Variants in ZFPM2 observed in about 807,000 individuals in gnomAD.
ZFPM2 encodes the protein zinc finger protein ZFPM2.
ZFPM2 carries 20 observed loss-of-function variants against 98.6 expected under a neutral mutation model. The observed-to-expected ratio is 0.20, with a 90% CI of 0.14 to 0.29. ZFPM2 has a LOEUF of 0.29. ZFPM2 is among the 10% of genes least tolerant of loss of function. The pLI is 1.00. For synonymous variants in ZFPM2, 518 were observed against 502.7 expected (o/e 1.03, Z -0.41); for missense variants, 1,310 against 1,388.6 (o/e 0.94, Z 0.90).
intron 5 of ZFPM2, among the ~76,000 whole-genome samples, chr8:105,742,533 T>G (rs1812243650): frequency 6.8e-6 from 1 of 147,716 alleles, no homozygotes; most frequent in Non-Finnish European, 1.5e-5. Context: ...AGAGAGTGAG[T>G]GGTTGTAGAT....
chr8:105,463,082 G>A (rs1410384654), intron 3 of ZFPM2, among the ~76,000 whole-genome samples: 1 of 151,966 alleles, frequency 6.6e-6, no homozygotes, highest in Non-Finnish European at 1.5e-5. Context: ...TAGGAAAATG[G>A]CAGAGACAAG....
At chr8:105,393,321 C>CCTCT (rs1491087623) in intron 1 of ZFPM2, among the ~76,000 whole-genome samples, 7 of 121,052 alleles carry the variant, frequency 5.8e-5, no homozygotes, top group African/African-American at 1.4e-4. Flanking sequence ...TTCTTCCTTC[C>CCTCT]CTCTCTCTCT....
At chr8:105,370,984 G>A (rs549732261) in intron 1 of ZFPM2, among the ~76,000 whole-genome samples, 54 of 152,198 alleles carry the variant, frequency 3.5e-4, no homozygotes, top group African/African-American at 1.1e-3. Flanking sequence ...GTTGCTAGAC[G>A]CATCTTTAAA....
At chr8:105,522,815 A>C (rs1227592591) in intron 3 of ZFPM2, among the ~76,000 whole-genome samples, 2 of 152,132 alleles carry the variant, frequency 1.3e-5, no homozygotes, top group Non-Finnish European at 2.9e-5. Context: ...TTGAAATTAT[A>C]ACTTTCTTAG....
intron 3 of ZFPM2, among the ~76,000 whole-genome samples, chr8:105,498,690 G>A (rs938259380): frequency 1.3e-5 from 2 of 152,170 alleles, no homozygotes; most frequent in Non-Finnish European, 2.9e-5. Context: ...CATATGCAAA[G>A]ATTCGATGCT....
chr8:105,515,336 T>A lies in ZFPM2; in HGVS notation c.302-46027T>A, dbSNP rs149643609. On this transcript the variant is annotated intron_variant, in intron 3 of 7. Coordinates refer to ENST00000407775, the MANE Select transcript of ZFPM2 (RefSeq NM_012082.4). ...CTTCAAGAGGACAAGAAGATAGGTA[T>A]AAATAGGAGGATTGAGTGTTTATTG... Among the ~76,000 whole-genome samples, 641 of 152,308 alleles carry A rather than the reference T, an allele frequency of 4.2e-3. 6 individuals carry two copies. Among genetic ancestry groups the A allele is most frequent in the African/African-American group, 0.015 (608 of 41,568 alleles).
chr8:105,454,138 C>CT (rs1563666708), intron 3 of ZFPM2, among the ~76,000 whole-genome samples: 1 of 152,004 alleles, frequency 6.6e-6, no homozygotes, highest in Non-Finnish European at 1.5e-5. Flanking sequence ...TATGAAAAGT[C>CT]TTTTCGAATG....
intron 3 of ZFPM2, among the ~76,000 whole-genome samples, chr8:105,519,729 G>C (rs562630206): frequency 6.6e-6 from 1 of 151,740 alleles, no homozygotes; most frequent in South Asian, 2.1e-4. Context: ...TGCAATATAG[G>C]AACACTTGAC....
rs1385564054 is a variant in ZFPM2 at position 105,318,918 on chromosome 8, C to T, written c.-24C>T. ...CGCGACCGCGGGCACCGCGGGAGCC[C>T]CAGCGGCAGCAGCCGCCGCCGAGAT... On this transcript the variant is annotated 5_prime_UTR_variant, in exon 1 of 8. Coordinates refer to ENST00000407775, the MANE Select transcript of ZFPM2 (RefSeq NM_012082.4). The T allele has an allele frequency of 2.3e-5, 32 of 1,396,000 alleles. No homozygotes were observed. Among genetic ancestry groups the T allele is most frequent in the Non-Finnish European group, 3.0e-5 (32 of 1,058,146 alleles). 86.5% of individuals were successfully genotyped at this position (1,396,000 alleles called of 1,614,324 possible).
chr8:105,456,762 T>C (rs1812601061), intron 3 of ZFPM2, among the ~76,000 whole-genome samples: 1 of 152,118 alleles, frequency 6.6e-6, no homozygotes, highest in Admixed American at 6.6e-5. Flanking sequence ...AACCTCTGCC[T>C]CCTGGGTTCA....
At chr8:105,475,492 G>A (rs1219011091) in intron 3 of ZFPM2, among the ~76,000 whole-genome samples, 1 of 152,192 alleles carries the variant, frequency 6.6e-6, no homozygotes, top group Non-Finnish European at 1.5e-5. Flanking sequence ...GAACTGTGTA[G>A]TGCTTGTGAT....
chr8:105,465,244 TTTGTAATGCCTCTAAGACATTA>T (rs1466170894), intron 3 of ZFPM2, among the ~76,000 whole-genome samples: 1 of 152,140 alleles, frequency 6.6e-6, no homozygotes, highest in East Asian at 1.9e-4. Context: ...CTTGTTTGAT[TTTGTAATGCCTCTAAGACATTA>T]AAAAATACAG....
Position 105,395,591 on chromosome 8 carries a change from C to A in ZFPM2, c.41-23553C>A, listed in dbSNP as rs1811203104. ...ATTTCAAGGGATCAAAATGAGCACA[C>A]TTCTCCCATGTTGATCTGTCCCCTA... On this transcript the variant is annotated intron_variant, in intron 1 of 7. Transcript: ENST00000407775. Among the ~76,000 whole-genome samples, 4 of 152,250 alleles carry A rather than the reference C, an allele frequency of 2.6e-5. No individual in the cohort carries two copies. The South Asian group carries it at 8.3e-4, about 32-fold the overall frequency.
chr8:105,782,564 C>G (rs1479493057), intron 5 of ZFPM2: 2 of 152,122 alleles, frequency 1.3e-5, no homozygotes, highest in Non-Finnish European at 2.9e-5. Flanking sequence ...ATAGTTGTCC[C>G]TCAGTATCCA....
chr8:105,738,005 T>C (rs1812119952), intron 5 of ZFPM2, among the ~76,000 whole-genome samples: 1 of 151,980 alleles, frequency 6.6e-6, no homozygotes, highest in Admixed American at 6.6e-5. Flanking sequence ...CAGCTAAGTT[T>C]TTTTGATAGT....
At chr8:105,354,276 A>T (rs1021577959) in intron 1 of ZFPM2, among the ~76,000 whole-genome samples, 1 of 152,254 alleles carries the variant, frequency 6.6e-6, no homozygotes, top group Non-Finnish European at 1.5e-5. Context: ...AGTACTTTGA[A>T]TGTCACTTGA....
chr8:105,793,293 T>C (rs1813682585), intron 6 of ZFPM2, among the ~76,000 whole-genome samples: 1 of 152,166 alleles, frequency 6.6e-6, no homozygotes, highest in Admixed American at 6.5e-5. Context: ...GGTGACAAAA[T>C]CTCTCAGCAT....
intron 4 of ZFPM2, among the ~76,000 whole-genome samples, chr8:105,581,160 G>A (rs903776507): frequency 4.6e-5 from 7 of 151,800 alleles, no homozygotes; most frequent in African/African-American, 1.7e-4. Flanking sequence ...TCTACTAGAT[G>A]CCATTTTATC....
intron 7 of ZFPM2, 135 bp downstream of exon 7, chr8:105,799,083 A>G: frequency 1.3e-6 from 1 of 782,950 alleles, no homozygotes. Flanking sequence ...TTTCTGGGTC[A>G]ACCAGTGTGA....
Sources: allele counts gnomAD v4.1 joint callset (sites outside exome capture counted in the v4.1 genomes callset), GRCh38; gene constraint gnomAD v4.1.1; transcripts MANE v1.5; gene names NCBI Gene and HGNC (gene_info 2026-07-23, HGNC 2026-07-21).